CRYBG2: variants seen among roughly 807,000 people sequenced by gnomAD.
CRYBG2 encodes the protein beta/gamma crystallin domain-containing protein 2.
A neutral mutation model predicts 153.4 loss-of-function variants in CRYBG2; 106 were observed. The observed-to-expected ratio is 0.69, with a 90% confidence interval of 0.59 to 0.81. The LOEUF is 0.81. Among genes scored for constraint, CRYBG2 ranks in the 30% least tolerant of loss-of-function variants. The probability of loss-of-function intolerance (pLI) is 0.00; values close to 1 mark genes in which losing one functional copy is unlikely to be tolerated. For synonymous variants in CRYBG2, 851 were observed against 877.8 expected, an observed-to-expected ratio of 0.97 and a Z score of 0.54; for missense variants, 1,996 against 2,112.0, an observed-to-expected ratio of 0.95 and a Z score of 1.08.
chr1:26,344,369 G>C lies in CRYBG2; in HGVS notation c.2289C>G (p.Asp763Glu). The C allele has an allele frequency of 6.6e-7, 1 of 1,512,496 alleles. No homozygotes were observed. The highest frequency in any genetic ancestry group is 8.9e-7 in the Non-Finnish European group (1 of 1,127,342). The allele number at this position is 1,512,496 out of a possible 1,614,324, so 93.7% of individuals were successfully genotyped here. A position where few individuals can be genotyped will look rare whatever the true frequency, so the allele number is the denominator to read the frequency against. ...REEDEVALAA[D>E]LEIFLDTLRS... The stretch of plus-strand genomic sequence containing the variant: ...GCAGCGTATCCAGGAATATCTCCAG[G>C]TCAGCGGCCAGGGCCACCTCATCCT... The change falls in exon 2 of 20, where the codon GAC becomes GAG. Residue 763 changes from aspartate (D) to glutamate (E), a missense_variant. Coordinates refer to ENST00000308182, the MANE Select transcript of CRYBG2 (RefSeq NM_001039775.4).
rs1338532473 is a variant in CRYBG2 at position 26,345,516 on chromosome 1, G to A, written c.1142C>T (p.Ala381Val). The A allele has an allele frequency of 2.5e-6, 4 of 1,596,800 alleles. No homozygotes were observed. The highest frequency in any genetic ancestry group is 1.1e-5 in the South Asian group (1 of 89,364). Reference protein sequence around the residue: ...KQPVVPTHPGARLTPLVLPPK... With the variant: ...KQPVVPTHPGVRLTPLVLPPK... ...GGGCAGAACAAGGGGAGTGAGCCGGGCCCCGGGGTGAGTGGGCACCACAGG... is the reference window on the plus strand; with the variant it reads ...GGGCAGAACAAGGGGAGTGAGCCGGACCCCGGGGTGAGTGGGCACCACAGG... Residue 381 changes from alanine (A) to valine (V), a missense_variant, in exon 2 of 20, where the codon GCC (alanine) becomes GTC (valine). By Grantham distance (64) the Ala-to-Val change is moderately conservative. Coordinates refer to ENST00000308182, the MANE Select transcript of CRYBG2 (RefSeq NM_001039775.4).
intron 14 of CRYBG2, among the ~76,000 whole-genome samples, chr1:26,335,228 G>A (rs1475780144): frequency 1.3e-5 from 2 of 152,058 alleles, no homozygotes; most frequent in African/African-American, 4.8e-5. Flanking sequence ...TGTAATCCCA[G>A]CACTTTGGGA....
At position 26,344,252 on chromosome 1, in the gene CRYBG2, G is replaced by A; in HGVS notation, c.2406C>T (p.Ala802=). The A allele has an allele frequency of 6.5e-7, 1 of 1,534,510 alleles. No homozygotes were observed. The highest frequency in any genetic ancestry group is 8.7e-7 in the Non-Finnish European group (1 of 1,145,576). The part of the protein sequence containing the change: ...SYLSMYATLP[A]IEEDQLGPWV... The stretch of plus-strand genomic sequence containing the variant: ...ATGGCCCCAGCTGGTCCTCCTCAAT[G>A]GCAGGCAGCGTGGCGTACATGGACA... Residue 802 remains alanine, a synonymous_variant, in exon 2 of 20, where the codon GCC becomes GCT. Coordinates refer to ENST00000308182, the MANE Select transcript of CRYBG2 (RefSeq NM_001039775.4).
chr1:26,346,128 G>A lies in CRYBG2; in HGVS notation c.530C>T (p.Thr177Ile). 1 of 1,563,086 alleles carries A rather than the reference G, an allele frequency of 6.4e-7. No homozygotes were observed. Among genetic ancestry groups the A allele is most frequent in the African/African-American group, 1.3e-5 (1 of 74,372 alleles). Residue 177 changes from threonine to isoleucine, a missense_variant, in exon 2 of 20, where the codon ACT (threonine) becomes ATT (isoleucine). Thr to Ile is a moderately conservative substitution (Grantham distance 89). Coordinates refer to ENST00000308182, the MANE Select transcript of CRYBG2 (RefSeq NM_001039775.4). The surrounding 1 kb of genome is among the most constrained non-coding windows in gnomAD (Gnocchi z 4.9). ...TCCCACCACTGTGGTGGTCCGCACAGTGCGTGTCACTCGGTATTCCTCGAG... is the reference window on the plus strand; with the variant it reads ...TCCCACCACTGTGGTGGTCCGCACAATGCGTGTCACTCGGTATTCCTCGAG... The part of the protein sequence containing the change: ...RSLEEYRVTR[T>I]VRTTTVVGGH...
Position 26,336,208 on chromosome 1 carries a change from C to G in CRYBG2, c.4072-1G>C, listed in dbSNP as rs1233576163. ...AGTCGGGGCGGGAGAAAAGCTGAAT[C>G]TGGAGGCAGAGAGGGGAGATGAGGG... On this transcript the variant is annotated splice_acceptor_variant, in intron 13 of 19. Transcript: ENST00000308182. LOFTEE classifies it high-confidence loss of function. The surrounding 1 kb of genome is among the most constrained non-coding windows in gnomAD (Gnocchi z 4.9). 6.4e-7 allele frequency: 1 copy of G among 1,556,954 alleles called. No homozygotes were observed. The highest frequency in any genetic ancestry group is 2.4e-5 in the East Asian group (1 of 41,730).
chr1:26,331,561 G>A lies in CRYBG2; in HGVS notation c.4242C>T (p.Gly1414=), dbSNP rs763397390. ...FEGDQHILSE[G]EFPTLTAMGC... ...CCATGGCCGTGAGAGTGGGGAACTC[G>A]CCCTCAGAGAGAATGTGCTGGTCAC... is the stretch of plus-strand genomic sequence containing the variant. Residue 1414 remains glycine, a synonymous_variant, in exon 15 of 20, where the codon GGC becomes GGT. Coordinates refer to ENST00000308182, the MANE Select transcript of CRYBG2 (RefSeq NM_001039775.4). The A allele has an allele frequency of 1.2e-5, 19 of 1,613,934 alleles. No individual in the cohort carries two copies. Among genetic ancestry groups the A allele is most frequent in the South Asian group, 5.5e-5 (5 of 91,084 alleles).
rs557317095 is a variant in CRYBG2, at chr1:26,339,419, G to A, written c.3215C>T (p.Thr1072Ile). 7.4e-5 allele frequency: 119 copies of A among 1,614,076 alleles called. 1 individual carries two copies. The Middle Eastern group carries it at 1.3e-3, about 18-fold the overall frequency. Residue 1072 changes from threonine to isoleucine, a missense_variant, in exon 6 of 20, where the codon ACC becomes ATC. Physicochemically the swap from Thr to Ile is moderately conservative, Grantham distance 89. Coordinates refer to ENST00000308182, the MANE Select transcript of CRYBG2 (RefSeq NM_001039775.4). The part of the protein sequence containing the change: ...SLRRVVWDYS[T>I]PEISLFSEEG... ...CTCAGAGAAGAGGCTGATTTCCGGG[G>A]TGCTGTAGTCCTGTGGAAGGAGGGG...
Position 26,337,321 on chromosome 1 carries a change from C to T in CRYBG2, c.3703G>A (p.Glu1235Lys). 1 of 1,614,074 alleles carries T rather than the reference C, an allele frequency of 6.2e-7. No individual in the cohort carries two copies. The highest frequency in any genetic ancestry group is 8.5e-7 in the Non-Finnish European group (1 of 1,179,980). The change falls in exon 10 of 20, where the codon GAA (glutamate) becomes AAA (lysine). Residue 1235 changes from glutamate to lysine, a missense_variant. Physicochemically the swap from Glu to Lys is moderately conservative, Grantham distance 56. Coordinates refer to ENST00000308182, the MANE Select transcript of CRYBG2 (RefSeq NM_001039775.4). Reference protein sequence around the residue: ...RGHQYLLEEGEYPDWSHWGGY... With the variant: ...RGHQYLLEEGKYPDWSHWGGY... ...CCCCAGTGTGACCAGTCTGGGTATT[C>T]CCCCTCCTCCAGCAGATACTGGTGG...
intron 5 of CRYBG2, among the ~76,000 whole-genome samples, chr1:26,340,577 G>T (rs1451288367): frequency 6.6e-6 from 1 of 152,116 alleles, no homozygotes; most frequent in African/African-American, 2.4e-5. Flanking sequence ...AAACATTTGT[G>T]TGTTTCTGGA....
In CRYBG2 at chr1:26,321,953, G is replaced by A. The variant is rs1251396285; in HGVS notation, c.*15C>T. 14 of 1,546,518 alleles carry A rather than the reference G, an allele frequency of 9.1e-6. No homozygotes were observed. The highest frequency in any genetic ancestry group is 1.2e-5 in the South Asian group (1 of 85,428). ...CAGCAAAAGCCTCCAGGGCTGGAGG[G>A]TGAGGGGAAAAGTTTCAAAGCACGT... On this transcript the variant is annotated 3_prime_UTR_variant, in exon 20 of 20. Coordinates refer to ENST00000308182, the MANE Select transcript of CRYBG2 (RefSeq NM_001039775.4).
At chr1:26,329,374 G>A (rs1030179910) in intron 15 of CRYBG2, among the ~76,000 whole-genome samples, 4 of 151,668 alleles carry the variant, frequency 2.6e-5, no homozygotes, top group Admixed American at 2.0e-4. Flanking sequence ...ACAGGCTTTC[G>A]CCATGTTAGT....
At position 26,322,051 on chromosome 1, in the gene CRYBG2, G is replaced by A. The variant is rs200019228; in HGVS notation, c.4903C>T (p.Arg1635Trp). Residue 1635 changes from arginine (R) to tryptophan (W), a missense_variant, in exon 20 of 20, where the codon CGG (arginine) becomes TGG (tryptophan). Transcript: ENST00000308182. ...ACCACGTGGTCCCGGTCGTAGCCCCGGCCTCCTGGGGGTGGGATGGGGATT... is the reference window on the plus strand; with the variant it reads ...ACCACGTGGTCCCGGTCGTAGCCCCAGCCTCCTGGGGGTGGGATGGGGATT... Reference protein sequence around the residue: ...EGQILDVKGGRGYDRDHVVLW... With the variant: ...EGQILDVKGGWGYDRDHVVLW... 27 of 1,606,024 alleles carry A rather than the reference G, an allele frequency of 1.7e-5. 1 individual carries two copies. The highest frequency in any genetic ancestry group is 6.6e-5 in the South Asian group (6 of 90,800).
At position 26,346,075 on chromosome 1, in the gene CRYBG2, A is replaced by T; in HGVS notation, c.583T>A (p.Ser195Thr). ...GGHVDRRMSS[S>T]VTVRPVSSGE... Reference sequence around the variant, plus strand: ...GAGGACACTGGCCTCACAGTCACAGAGCTGCTCATCCGCCGGTCCACATGA... The same window carrying T: ...GAGGACACTGGCCTCACAGTCACAGTGCTGCTCATCCGCCGGTCCACATGA... Residue 195 changes from serine to threonine, a missense_variant, in exon 2 of 20, where the codon TCT (serine) becomes ACT (threonine). By Grantham distance (58) the Ser-to-Thr change is moderately conservative. Coordinates refer to ENST00000308182, the MANE Select transcript of CRYBG2 (RefSeq NM_001039775.4). This position sits in a 1 kb window ranked among gnomAD's most constrained non-coding sequence, Gnocchi z 4.9. 1 of 1,583,396 alleles carries T rather than the reference A, an allele frequency of 6.3e-7. No homozygotes were observed. The highest frequency in any genetic ancestry group is 8.5e-7 in the Non-Finnish European group (1 of 1,170,216).
chr1:26,328,806 C>T lies in CRYBG2; in HGVS notation c.4382G>A (p.Ser1461Asn). The T allele has an allele frequency of 6.2e-7, 1 of 1,614,140 alleles. No homozygotes were observed. The highest frequency in any genetic ancestry group is 8.5e-7 in the Non-Finnish European group (1 of 1,180,026). ...GGCTTGCAGGCTCCGCACCTCCCTG[C>T]TGAGCTCGATCTCCTTCCCCTCGAA... ...ECFEGKEIEL[S>N]REVRSLQAEG... Residue 1461 changes from serine to asparagine, a missense_variant, in exon 16 of 20, where the codon AGC (serine) becomes AAC (asparagine). By Grantham distance (46) the Ser-to-Asn change is conservative (BLOSUM62 1). Coordinates refer to ENST00000308182, the MANE Select transcript of CRYBG2 (RefSeq NM_001039775.4).
chr1:26,340,114 T>C (rs777527790), intron 5 of CRYBG2, among the ~76,000 whole-genome samples: 9 of 152,232 alleles, frequency 5.9e-5, no homozygotes, highest in Non-Finnish European at 1.0e-4. Context: ...TTCCTGCCTC[T>C]GTCCAGACTG....
rs553995499 is a variant in CRYBG2 at position 26,342,646 on chromosome 1, G to T, written c.3204+108C>A. 94 of 1,502,316 alleles carry T rather than the reference G, an allele frequency of 6.3e-5. 1 individual carries two copies. In the East Asian group the frequency reaches 2.1e-3, roughly 34 times the overall value. 93.1% of individuals were successfully genotyped at this position (1,502,316 alleles called of 1,614,324 possible). On this transcript the variant is annotated intron_variant, in intron 5 of 19. Transcript: ENST00000308182. ...ACTCCTGTCCTCAGCCGATCCACCT[G>T]CCTTGGCTTCCCAAAGTGCTGGCAT...
In CRYBG2 at chr1:26,342,740, T is replaced by G. The variant is rs753570501; in HGVS notation, c.3204+14A>C. On this transcript the variant is annotated intron_variant, in intron 5 of 19. Transcript: ENST00000308182. ...TAGGCACTCGAGGCCGTCTCCCACC[T>G]CCAACTCACTCACCCAGACAACCCT... 1 of 1,611,582 alleles carries G rather than the reference T, an allele frequency of 6.2e-7. No individual in the cohort carries two copies. The highest frequency in any genetic ancestry group is 2.2e-5 in the East Asian group (1 of 44,852).
intron 17 of CRYBG2, 106 bp from the exon 18 acceptor site, chr1:26,324,416 C>T (rs770026041): frequency 8.0e-7 from 1 of 1,257,248 alleles, no homozygotes; most frequent in Non-Finnish European, 1.1e-6. Context: ...CAAGCCCTCC[C>T]TCCTGTCCCC....
At chr1:26,330,736 A>G (rs67130330) in intron 15 of CRYBG2, among the ~76,000 whole-genome samples, 38,432 of 151,666 alleles carry the variant, frequency 0.25, 5,225 homozygotes, top group Non-Finnish European at 0.31. Context: ...ATAGGGTTTC[A>G]CCATGTTGGC....
Sources: gnomAD v4.1 joint callset for allele counts (sites outside exome capture counted in the v4.1 genomes callset) on GRCh38, gnomAD v4.1.1 for gene constraint, Gnocchi (gnomAD v3.1) non-coding constraint, MANE v1.5 for transcripts, NCBI Gene and HGNC (gene_info 2026-07-23, HGNC 2026-07-21) for gene names.